The following HDAC4 variants were observed in gnomAD, a reference collection of about 807,000 sequenced individuals.
HDAC4 encodes histone deacetylase 4.
HDAC4 carries 16 observed loss-of-function variants against 135.1 expected under a neutral mutation model. The observed-to-expected ratio is 0.12, with a 90% CI of 0.08 to 0.18. The LOEUF (loss-of-function observed/expected upper bound fraction) is 0.18. Among genes scored for constraint, HDAC4 ranks in the 10% least tolerant of loss-of-function variants. The probability of loss-of-function intolerance (pLI) is 1.00; values close to 1 mark genes in which losing one functional copy is unlikely to be tolerated. For missense variants in HDAC4, 1,143 were observed against 1,511.8 expected (o/e 0.76, Z 4.05); for synonymous variants, 685 against 653.4 (o/e 1.05, Z -0.74).
At chr2:239,056,429 C>T (rs958190988) in intron 24 of HDAC4, among the ~76,000 whole-genome samples, 6 of 152,166 alleles carry the variant, frequency 3.9e-5, no homozygotes, top group African/African-American at 7.2e-5. Context: ...GGTCAAGGGA[C>T]GGGGCCATCA....
chr2:239,180,314 C>A (rs3791538), intron 4 of HDAC4, among the ~76,000 whole-genome samples: 2 of 152,038 alleles, frequency 1.3e-5, no homozygotes, highest in African/African-American at 4.8e-5. Context: ...TGGTCACAGG[C>A]GGTGCAGGGG....
At chr2:239,197,165 C>T (rs2045446136) in intron 3 of HDAC4, among the ~76,000 whole-genome samples, 1 of 152,216 alleles carries the variant, frequency 6.6e-6, no homozygotes, top group Non-Finnish European at 1.5e-5. Flanking sequence ...TTCTGCACAT[C>T]TGAAAACGTG....
chr2:239,135,568 G>A (rs1269982237), intron 9 of HDAC4, among the ~76,000 whole-genome samples: 2 of 152,368 alleles, frequency 1.3e-5, no homozygotes, highest in African/African-American at 4.8e-5. Context: ...AAATCAGTTA[G>A]TGGCACCCTT....
At position 239,054,824 on chromosome 2, in the gene HDAC4, G is replaced by A; in HGVS notation, c.3013C>T (p.Leu1005Phe). ...CTTTGCTGTAAAACCTTTTCTGGGAGAGGATCAAGCTGGAAGAAAATGCAT... is the reference window on the plus strand; with the variant it reads ...CTTTGCTGTAAAACCTTTTCTGGGAAAGGATCAAGCTGGAAGAAAATGCAT... ...SALLGNELDPLPEKVLQQRPN... is the reference protein window; with the variant it reads ...SALLGNELDPFPEKVLQQRPN... Residue 1005 changes from leucine (L) to phenylalanine (F), a missense_variant, in exon 25 of 27, where the codon CTC becomes TTC. Leu to Phe is a conservative substitution (Grantham distance 22, BLOSUM62 0). Around this residue, in one of 9 missense-constraint regions of HDAC4, gnomAD observed 131 missense variants for 130.6 expected, o/e 1.00. Transcript: ENST00000543185. 1 of 1,609,780 alleles carries A rather than the reference G, an allele frequency of 6.2e-7. No individual in the cohort carries two copies. Among genetic ancestry groups the A allele is most frequent in the Non-Finnish European group, 8.5e-7 (1 of 1,176,042 alleles).
At chr2:239,123,121 G>A (rs539466415) in intron 12 of HDAC4, among the ~76,000 whole-genome samples, 43 of 152,222 alleles carry the variant, frequency 2.8e-4, no homozygotes, top group Non-Finnish European at 5.4e-4. Flanking sequence ...TCCTTCAAGA[G>A]TATACGGCAT....
intron 1 of HDAC4, among the ~76,000 whole-genome samples, chr2:239,378,681 AACCAATGAACCCGGGAACCAATAAC>A (rs2126044860): frequency 7.8e-6 from 1 of 127,576 alleles, no homozygotes; most frequent in Admixed American, 7.5e-5. Flanking sequence ...TGACCCCGGG[AACCAATGAACCCGGGAACCAATAAC>A]CCCGGGAACC....
chr2:239,151,991 A>G (rs2042145914), intron 7 of HDAC4, among the ~76,000 whole-genome samples: 1 of 127,116 alleles, frequency 7.9e-6, no homozygotes. Context: ...GACAACAGTT[A>G]GTTAGTTGTT....
At chr2:239,147,494 C>G (rs1041842599) in intron 7 of HDAC4, among the ~76,000 whole-genome samples, 1 of 152,264 alleles carries the variant, frequency 6.6e-6, no homozygotes, top group Non-Finnish European at 1.5e-5. Flanking sequence ...CTGTGAGGGT[C>G]GAGGCTGCAC....
At position 239,220,407 on chromosome 2, in the gene HDAC4, A is replaced by AAATTAAAGC. The variant is rs200642982; in HGVS notation, c.94+16177_94+16185dup. Among the ~76,000 whole-genome samples the AAATTAAAGC allele has an allele frequency of 7.6e-3, 1,151 of 152,366 alleles. 15 individuals are homozygous for AAATTAAAGC. Among genetic ancestry groups the AAATTAAAGC allele is most frequent in the African/African-American group, 0.027 (1,105 of 41,576 alleles). Reference sequence around the variant, plus strand: ...TCAAAAAGTTAGAAAAATAACTAGAAAATTAAAGCATACACTGTGCACTGA... The same window carrying AAATTAAAGC: ...TCAAAAAGTTAGAAAAATAACTAGAAAATTAAAGCAATTAAAGCATACACTGTGCACTGA... On this transcript the variant is annotated intron_variant, in intron 3 of 26. Transcript: ENST00000543185.
At chr2:239,116,810 C>A (rs573698253) in intron 12 of HDAC4, among the ~76,000 whole-genome samples, 1 of 152,206 alleles carries the variant, frequency 6.6e-6, no homozygotes, top group Non-Finnish European at 1.5e-5. Flanking sequence ...GCCTCCAGCC[C>A]GCTGCTTGCC....
chr2:239,344,365 T>C (rs1325731682), intron 2 of HDAC4, among the ~76,000 whole-genome samples: 2 of 152,190 alleles, frequency 1.3e-5, no homozygotes, highest in African/African-American at 4.8e-5. Context: ...ATTTCTACAA[T>C]AGTGGCTTTG....
At chr2:239,073,930 C>T (rs2034461316) in intron 22 of HDAC4, among the ~76,000 whole-genome samples, 2 of 150,646 alleles carry the variant, frequency 1.3e-5, no homozygotes, top group Non-Finnish European at 3.0e-5. Context: ...AGGCTTCCTC[C>T]ATGGCTCTGA....
intron 8 of HDAC4, among the ~76,000 whole-genome samples, chr2:239,140,490 C>T (rs745982106): frequency 1.2e-4 from 18 of 152,164 alleles, no homozygotes; most frequent in South Asian, 2.1e-4. Context: ...ACACATCCAC[C>T]GTGGGAGGCC....
rs77616728 is a variant in HDAC4 at position 239,086,702 on chromosome 2, C to T, written c.2444+857G>A. On this transcript the variant is annotated intron_variant, in intron 19 of 26. Coordinates refer to ENST00000543185, the MANE Select transcript of HDAC4 (RefSeq NM_001378414.1). ...CTGTCTTGTTCTGACTGCTTCCTGG[C>T]CACAGCCTGATAGTGAACTTGTATC... is the stretch of plus-strand genomic sequence containing the variant. Among the ~76,000 whole-genome samples, 1,127 of 152,344 alleles carry T rather than the reference C, an allele frequency of 7.4e-3. 18 individuals are homozygous for T. Among genetic ancestry groups the T allele is most frequent in the African/African-American group, 0.026 (1,084 of 41,586 alleles).
rs186599675 is a variant in HDAC4 at position 239,379,403 on chromosome 2, C to T, written c.-220+21575G>A. On this transcript the variant is annotated intron_variant, in intron 1 of 26. Coordinates refer to ENST00000543185, the MANE Select transcript of HDAC4 (RefSeq NM_001378414.1). Reference sequence around the variant, plus strand: ...TCACTGACAGACACCAAGACTCACCCCGTCTACCCGTTGTGGAGCCACTGC... The same window carrying T: ...TCACTGACAGACACCAAGACTCACCTCGTCTACCCGTTGTGGAGCCACTGC... 1.4e-3 allele frequency among the ~76,000 whole-genome samples: 211 copies of T among 152,304 alleles called. 1 individual carries two copies. Among genetic ancestry groups the T allele is most frequent in the African/African-American group, 4.9e-3 (202 of 41,564 alleles).
At chr2:239,123,350 G>GC (rs1441672986) in intron 12 of HDAC4, among the ~76,000 whole-genome samples, 1 of 152,148 alleles carries the variant, frequency 6.6e-6, no homozygotes, top group Non-Finnish European at 1.5e-5. Context: ...CATTTCTGAT[G>GC]CGTTCCCTGC....
chr2:239,333,424 A>G (rs1691717118), intron 2 of HDAC4, among the ~76,000 whole-genome samples: 1 of 152,216 alleles, frequency 6.6e-6, no homozygotes, highest in Non-Finnish European at 1.5e-5. Flanking sequence ...AGAGATTAGT[A>G]TAACTTTAAT....
intron 5 of HDAC4, among the ~76,000 whole-genome samples, chr2:239,165,140 C>T (rs187701510): frequency 1.6e-4 from 24 of 152,242 alleles, no homozygotes; most frequent in Middle Eastern, 3.4e-3. Context: ...AGATAATCAC[C>T]TGAGCCCGGG....
At chr2:239,148,620 G>A (rs1053748747) in intron 7 of HDAC4, among the ~76,000 whole-genome samples, 1 of 152,226 alleles carries the variant, frequency 6.6e-6, no homozygotes, top group African/African-American at 2.4e-5. Context: ...GATCATCCAA[G>A]AGTGCGACAG....
Sources: gnomAD v4.1 joint callset for allele counts (sites outside exome capture counted in the v4.1 genomes callset) on GRCh38, gnomAD v4.1.1 for gene constraint, gnomAD v4.1.1 regional missense constraint, MANE v1.5 for transcripts, NCBI Gene and HGNC (gene_info 2026-07-23, HGNC 2026-07-21) for gene names.